SNX9: variants seen among roughly 807,000 people sequenced by gnomAD.
SNX9 encodes sorting nexin-9.
SNX9 carries 44 observed loss-of-function variants against 89.4 expected under a neutral mutation model. That is an observed-to-expected ratio of 0.49 (90% confidence interval 0.39 to 0.63). SNX9 has a LOEUF of 0.63. Among genes scored for constraint, SNX9 ranks in the 30% least tolerant of loss-of-function variants. SNX9 has a pLI of 0.00. For missense variants in SNX9, 578 were observed against 736.1 expected (o/e 0.79, Z 2.49); for synonymous variants, 236 against 247.8 (o/e 0.95, Z 0.45).
At position 157,849,463 on chromosome 6, in the gene SNX9, G is replaced by A. The variant is rs1448767921; in HGVS notation, c.13-18084G>A. Among the ~76,000 whole-genome samples the A allele has an allele frequency of 2.0e-5, 3 of 152,230 alleles. No homozygotes were observed. The East Asian group carries it at 5.8e-4, about 29-fold the overall frequency. On this transcript the variant is annotated intron_variant, in intron 1 of 17. Transcript: ENST00000392185. Reference sequence around the variant, plus strand: ...AAGCACTGGAAGGTTTGAGTCAAGAGCGGCAATGCTTAGTGTGCATGTTCA... The same window carrying A: ...AAGCACTGGAAGGTTTGAGTCAAGAACGGCAATGCTTAGTGTGCATGTTCA...
chr6:157,839,020 C>T (rs1042442890), intron 1 of SNX9, among the ~76,000 whole-genome samples: 1 of 152,188 alleles, frequency 6.6e-6, no homozygotes, highest in African/African-American at 2.4e-5. Context: ...TTGCAATACC[C>T]AGAGCTTATT....
intron 1 of SNX9, among the ~76,000 whole-genome samples, chr6:157,843,845 G>C (rs1781748359): frequency 6.8e-6 from 1 of 147,610 alleles, no homozygotes; most frequent in African/African-American, 2.5e-5. Context: ...CAGAATTCTA[G>C]ATTTTAAAAA....
In SNX9 at chr6:157,906,154, C is replaced by T. The variant is rs374842203; in HGVS notation, c.647C>T (p.Thr216Met). 15 of 1,608,998 alleles carry T rather than the reference C, an allele frequency of 9.3e-6. No homozygotes were observed. The highest frequency in any genetic ancestry group is 5.4e-5 in the African/African-American group (4 of 74,494). ...TTTCCTGGATTTGCGAAACCTGGCA[C>T]GGAACAGTATTTGTTGGCCAAACAA... ...NKFPGFAKPG[T>M]EQYLLAKQLA... Residue 216 changes from threonine (T) to methionine (M), a missense_variant, in exon 7 of 18, where the codon ACG becomes ATG. By Grantham distance (81) the Thr-to-Met change is moderately conservative. This residue lies in a region of SNX9 where 348 missense variants were observed against 491.4 expected (regional missense o/e 0.71). Transcript: ENST00000392185.
In SNX9 at chr6:157,943,521, C is replaced by A. The variant is rs911369433; in HGVS notation, c.*683C>A. 4 of 152,322 alleles carry A rather than the reference C, an allele frequency of 2.6e-5. No individual in the cohort carries two copies. The highest frequency in any genetic ancestry group is 9.6e-5 in the African/African-American group (4 of 41,458). The allele number at this position is 152,322 out of a possible 1,614,324, so 9.4% of individuals were successfully genotyped here. A position where few individuals can be genotyped will look rare whatever the true frequency, so the allele number is the denominator to read the frequency against. ...CAGATGAGCAGATACCCCTGGCCAC[C>A]CATGTCCTCAGCGACATTTCTGATG... is the stretch of plus-strand genomic sequence containing the variant. On this transcript the variant is annotated 3_prime_UTR_variant, in exon 18 of 18. Coordinates refer to ENST00000392185, the MANE Select transcript of SNX9 (RefSeq NM_016224.5).
intron 4 of SNX9, among the ~76,000 whole-genome samples, chr6:157,895,077 CAA>C (rs1212376592): frequency 6.6e-6 from 1 of 152,180 alleles, no homozygotes; most frequent in African/African-American, 2.4e-5. Flanking sequence ...TGAGAGGAGT[CAA>C]GAGCATGTGC....
chr6:157,836,736 A>G (rs1161961407), intron 1 of SNX9, among the ~76,000 whole-genome samples: 2 of 151,950 alleles, frequency 1.3e-5, no homozygotes, highest in Non-Finnish European at 1.5e-5. Flanking sequence ...GACTACAGGC[A>G]CCCACTACCA....
At chr6:157,896,614 T>C (rs1782982059) in intron 4 of SNX9, among the ~76,000 whole-genome samples, 1 of 152,236 alleles carries the variant, frequency 6.6e-6, no homozygotes, top group African/African-American at 2.4e-5. Flanking sequence ...CGGTAAAATG[T>C]GTTCACATCA....
chr6:157,870,149 C>T (rs1340167815), intron 2 of SNX9, among the ~76,000 whole-genome samples: 1 of 151,664 alleles, frequency 6.6e-6, no homozygotes, highest in Non-Finnish European at 1.5e-5. Flanking sequence ...GCACACACAC[C>T]CCTCACTCAC....
intron 1 of SNX9, among the ~76,000 whole-genome samples, chr6:157,847,611 TG>T (rs982077878): frequency 6.6e-5 from 10 of 152,126 alleles, no homozygotes; most frequent in African/African-American, 2.4e-4. Flanking sequence ...GAGGCCTTGC[TG>T]GGAAGGAGCC....
intron 2 of SNX9, among the ~76,000 whole-genome samples, chr6:157,871,403 A>G (rs1782408023): frequency 6.6e-6 from 1 of 152,154 alleles, no homozygotes; most frequent in African/African-American, 2.4e-5. Flanking sequence ...ATCACTGGGT[A>G]GAAAAAGATT....
intron 1 of SNX9, among the ~76,000 whole-genome samples, chr6:157,865,336 T>A: frequency 8.4e-6 from 1 of 118,484 alleles, no homozygotes. Context: ...CGAAACAGTC[T>A]CAGGAAAAAA....
intron 4 of SNX9, among the ~76,000 whole-genome samples, chr6:157,890,593 G>T (rs1009143414): frequency 1.3e-5 from 2 of 152,110 alleles, no homozygotes; most frequent in Admixed American, 6.5e-5. Flanking sequence ...AGATTTAAGC[G>T]TGTCCCAGAG....
At chr6:157,918,068 C>T (rs1783510618) in intron 9 of SNX9, among the ~76,000 whole-genome samples, 1 of 152,074 alleles carries the variant, frequency 6.6e-6, no homozygotes, top group South Asian at 2.1e-4. Context: ...TCCATGTGTG[C>T]TTCAAAAGAA....
intron 5 of SNX9, 30 bp from the exon 6 acceptor site, chr6:157,901,868 T>G: frequency 6.5e-7 from 1 of 1,537,970 alleles, no homozygotes. Context: ...TTTTTTTTTT[T>G]AACTGATGAT....
At chr6:157,927,699 C>T (rs1377337873) in intron 11 of SNX9, among the ~76,000 whole-genome samples, 2 of 133,412 alleles carry the variant, frequency 1.5e-5, no homozygotes, top group Non-Finnish European at 3.2e-5. Context: ...AAGAAATTTG[C>T]GTGGTTTTTA....
Position 157,901,069 on chromosome 6 carries a change from G to A in SNX9, c.473-829G>A, listed in dbSNP as rs902503375. Among the ~76,000 whole-genome samples, 5 of 152,268 alleles carry A rather than the reference G, an allele frequency of 3.3e-5. No homozygotes were observed. The East Asian group carries it at 5.8e-4, about 18-fold the overall frequency. The stretch of plus-strand genomic sequence containing the variant: ...GAGCTATGAATATCTGCTTTTCTGG[G>A]ATAGGAATCTTGGTGATGTGAAACC... On this transcript the variant is annotated intron_variant, in intron 5 of 17. Transcript: ENST00000392185.
At position 157,927,010 on chromosome 6, in the gene SNX9, TAGAA is replaced by T; in HGVS notation, c.1081-97_1081-94del. On this transcript the variant is annotated intron_variant, in intron 10 of 17. Coordinates refer to ENST00000392185, the MANE Select transcript of SNX9 (RefSeq NM_016224.5). ...AGAGTGGGAGCTGCTTCCTGAAAATTAGAAAGATAAAGGTGATAAATGAGCTGGT... is the reference window on the plus strand; with the variant it reads ...AGAGTGGGAGCTGCTTCCTGAAAATTAGATAAAGGTGATAAATGAGCTGGT... 4.8e-6 allele frequency: 4 copies of T among 835,292 alleles called. No homozygotes were observed. The South Asian group carries it at 6.2e-5, about 13-fold the overall frequency. The allele number at this position is 835,292 out of a possible 1,614,324, so 51.7% of individuals were successfully genotyped here.
At chr6:157,887,961 A>T (rs1782771529) in intron 4 of SNX9, among the ~76,000 whole-genome samples, 1 of 152,160 alleles carries the variant, frequency 6.6e-6, no homozygotes, top group African/African-American at 2.4e-5. Context: ...CAGTTTACCC[A>T]TCAATTGGCT....
intron 1 of SNX9, among the ~76,000 whole-genome samples, chr6:157,836,654 G>A (rs1344666870): frequency 6.6e-6 from 1 of 151,040 alleles, no homozygotes; most frequent in Non-Finnish European, 1.5e-5. Flanking sequence ...GCAGTGGCGC[G>A]ATCTCAGCTC....
Sources: gnomAD v4.1 joint callset for allele counts (sites outside exome capture counted in the v4.1 genomes callset) on GRCh38, gnomAD v4.1.1 for gene constraint, gnomAD v4.1.1 regional missense constraint, MANE v1.5 for transcripts, NCBI Gene and HGNC (gene_info 2026-07-23, HGNC 2026-07-21) for gene names.